CCSER1: variants seen among roughly 807,000 people sequenced by gnomAD.
The protein encoded by CCSER1 is serine-rich coiled-coil domain-containing protein 1.
Under a neutral mutation model 82.0 loss-of-function variants are expected in CCSER1, and 41 were observed. That is an observed-to-expected ratio of 0.50 (90% CI 0.39 to 0.65). CCSER1 has a LOEUF of 0.65. Among genes scored for constraint, CCSER1 ranks in the 30% least tolerant of loss-of-function variants. The pLI, the probability that CCSER1 is intolerant of heterozygous loss-of-function variation, is 0.00. For missense variants in CCSER1, 1,119 were observed against 1,064.2 expected (o/e 1.05, Z -0.72); for synonymous variants, 414 against 383.9 (o/e 1.08, Z -0.92).
At chr4:91,323,918 G>A (rs1374937556) in intron 10 of CCSER1, among the ~76,000 whole-genome samples, 1 of 152,170 alleles carries the variant, frequency 6.6e-6, no homozygotes, top group Non-Finnish European at 1.5e-5. Flanking sequence ...TATTTCACTA[G>A]AAAGCCTAGA....
chr4:90,306,436 A>G (rs1347695803), intron 1 of CCSER1, among the ~76,000 whole-genome samples: 2 of 152,206 alleles, frequency 1.3e-5, no homozygotes, highest in Admixed American at 1.3e-4. Flanking sequence ...ACATCACGTT[A>G]TACCTCATAA....
chr4:91,496,733 T>TAA (rs1758897106), intron 10 of CCSER1, among the ~76,000 whole-genome samples: 1 of 23,632 alleles, frequency 4.2e-5, no homozygotes. Context: ...AATATATATA[T>TAA]ATATTGAATA....
chr4:91,313,351 C>A (rs1449263958), intron 10 of CCSER1, among the ~76,000 whole-genome samples: 1 of 151,332 alleles, frequency 6.6e-6, no homozygotes, highest in East Asian at 2.0e-4. Flanking sequence ...CTTCCTTGGC[C>A]CTTCTCTTTG....
intron 4 of CCSER1, among the ~76,000 whole-genome samples, 160 bp downstream of exon 4, chr4:90,400,289 TG>T (rs1214278533): frequency 6.6e-6 from 1 of 152,098 alleles, no homozygotes; most frequent in Non-Finnish European, 1.5e-5. Context: ...AGACATAATT[TG>T]GGTGCGTTAA....
intron 8 of CCSER1, among the ~76,000 whole-genome samples, chr4:90,866,038 A>G (rs1007490095): frequency 5.3e-5 from 8 of 151,880 alleles, no homozygotes; most frequent in African/African-American, 1.9e-4. Context: ...GGCCAGGACA[A>G]CACCCAGAGG....
At chr4:90,488,811 T>G (rs1767528563) in intron 5 of CCSER1, among the ~76,000 whole-genome samples, 2 of 152,210 alleles carry the variant, frequency 1.3e-5, no homozygotes, top group Non-Finnish European at 2.9e-5. Flanking sequence ...TATACAAGGA[T>G]ATTGTTGATT....
chr4:90,758,835 A>G (rs1197780654), intron 7 of CCSER1, among the ~76,000 whole-genome samples: 2 of 152,180 alleles, frequency 1.3e-5, no homozygotes, highest in African/African-American at 4.8e-5. Flanking sequence ...GTGTAGTAGG[A>G]TGGTTAAAAT....
At chr4:90,805,876 A>T (rs1163888600) in intron 7 of CCSER1, among the ~76,000 whole-genome samples, 1 of 152,344 alleles carries the variant, frequency 6.6e-6, no homozygotes, top group Admixed American at 6.5e-5. Flanking sequence ...AATCCTGTTC[A>T]TTCTACACAT....
intron 9 of CCSER1, among the ~76,000 whole-genome samples, chr4:91,061,810 C>T (rs1293007491): frequency 5.9e-5 from 9 of 151,596 alleles, no homozygotes; most frequent in Admixed American, 5.9e-4. Flanking sequence ...CTATTTTGTT[C>T]CTCAATGTAG....
intron 1 of CCSER1, among the ~76,000 whole-genome samples, chr4:90,153,536 C>T (rs1727335137): frequency 6.6e-6 from 1 of 152,146 alleles, no homozygotes; most frequent in South Asian, 2.1e-4. Context: ...TCCACATCCT[C>T]TCCAGCACCT....
intron 9 of CCSER1, among the ~76,000 whole-genome samples, chr4:90,956,975 C>T (rs1228285522): frequency 1.4e-5 from 2 of 145,362 alleles, no homozygotes; most frequent in Non-Finnish European, 3.0e-5. Context: ...GACAGGATCT[C>T]ACTATGTTGC....
intron 10 of CCSER1, among the ~76,000 whole-genome samples, chr4:91,377,421 G>T (rs1310900497): frequency 6.6e-6 from 1 of 152,098 alleles, no homozygotes; most frequent in African/African-American, 2.4e-5. Flanking sequence ...GTTGTTTCCT[G>T]ACTTTTTAAT....
At position 91,589,688 on chromosome 4, in the gene CCSER1, T is replaced by G. The variant is rs542573017; in HGVS notation, c.2218-8884T>G. ...ACTCCTTTCCCTCTAGCATATAAAT[T>G]TAACTTAAATCTTTAACTCATTCTT... is the stretch of plus-strand genomic sequence containing the variant. On this transcript the variant is annotated intron_variant, in intron 10 of 10. Transcript: ENST00000509176. 5.9e-5 allele frequency among the ~76,000 whole-genome samples: 9 copies of G among 151,984 alleles called. No homozygotes were observed. In the East Asian group the frequency reaches 1.7e-3, roughly 29 times the overall value.
At chr4:90,429,352 T>G (rs1328231596) in intron 4 of CCSER1, among the ~76,000 whole-genome samples, 1 of 151,808 alleles carries the variant, frequency 6.6e-6, no homozygotes, top group African/African-American at 2.4e-5. Context: ...CACAGTCTGT[T>G]GGCAATCCAT....
intron 3 of CCSER1, among the ~76,000 whole-genome samples, chr4:90,342,498 C>A (rs1326065258): frequency 6.6e-6 from 1 of 152,124 alleles, no homozygotes; most frequent in Non-Finnish European, 1.5e-5. Context: ...GAGAGTTCTA[C>A]TCACTCAATT....
At chr4:90,732,551 T>C (rs956963372) in intron 7 of CCSER1, among the ~76,000 whole-genome samples, 1 of 152,198 alleles carries the variant, frequency 6.6e-6, no homozygotes, top group African/African-American at 2.4e-5. Flanking sequence ...ATAAACATTA[T>C]TGTACAAATA....
At chr4:91,269,858 T>C (rs1741892569) in intron 10 of CCSER1, among the ~76,000 whole-genome samples, 1 of 152,152 alleles carries the variant, frequency 6.6e-6, no homozygotes, top group Admixed American at 6.5e-5. Flanking sequence ...ACTTTTAAAA[T>C]AATATTACAG....
At chr4:90,688,643 G>A (rs986278139) in intron 6 of CCSER1, among the ~76,000 whole-genome samples, 3 of 152,044 alleles carry the variant, frequency 2.0e-5, no homozygotes, top group Admixed American at 2.0e-4. Flanking sequence ...GATGTTTTAT[G>A]ATGGTGGTTA....
chr4:90,617,925 T>C (rs892462015), intron 5 of CCSER1, among the ~76,000 whole-genome samples: 1 of 152,084 alleles, frequency 6.6e-6, no homozygotes, highest in Non-Finnish European at 1.5e-5. Flanking sequence ...ATGTTTTTCA[T>C]TCCTTATTTG....
Sources: gnomAD v4.1 joint callset for allele counts (sites outside exome capture counted in the v4.1 genomes callset) on GRCh38, gnomAD v4.1.1 for gene constraint, MANE v1.5 for transcripts, NCBI Gene and HGNC (gene_info 2026-07-23, HGNC 2026-07-21) for gene names.